The following FADS3 variants were observed in gnomAD, a reference collection of about 807,000 sequenced individuals.
FADS3 encodes cytochrome b5-related protein.
FADS3 carries 30 observed loss-of-function variants against 60.4 expected under a neutral mutation model. The observed-to-expected ratio is 0.50, with a 90% CI of 0.37 to 0.67. The LOEUF is 0.67. Among genes scored for constraint, FADS3 ranks in the 30% least tolerant of loss-of-function variants. FADS3 has a pLI of 0.00. For missense variants in FADS3, 432 were observed against 598.3 expected, an observed-to-expected ratio of 0.72 and a Z score of 2.90; for synonymous variants, 234 against 249.3, an observed-to-expected ratio of 0.94 and a Z score of 0.58.
chr11:61,876,694 A>G lies in FADS3; in HGVS notation c.983+172T>C. On this transcript the variant is annotated intron_variant, in intron 8 of 11. Coordinates refer to ENST00000278829, the MANE Select transcript of FADS3 (RefSeq NM_021727.5). This position sits in a 1 kb window ranked among gnomAD's most constrained non-coding sequence, Gnocchi z 5.7. ...CTTACAAGCCAGGCCACGCTCCCTA[A>G]ACCCACCGACCCTGGGCTCCTGCCA... 1.4e-6 allele frequency: 1 copy of G among 708,460 alleles called. No homozygotes were observed. Among genetic ancestry groups the G allele is most frequent in the Non-Finnish European group, 2.5e-6 (1 of 405,604 alleles). 43.9% of individuals were successfully genotyped at this position (708,460 alleles called of 1,614,324 possible).
intron 1 of FADS3, 140 bp from the exon 2 acceptor site, chr11:61,880,291 C>T (rs1938082315): frequency 3.1e-6 from 2 of 642,338 alleles, no homozygotes; most frequent in African/African-American, 3.6e-5. Flanking sequence ...GGCTGATGAA[C>T]AGTCAAAGAC....
chr11:61,886,414 G>C (rs1179482424), intron 1 of FADS3: 1 of 152,308 alleles, frequency 6.6e-6, no homozygotes, highest in African/African-American at 2.4e-5. Context: ...AAGGGGCCTG[G>C]GTGGGCGGTG....
chr11:61,873,894 G>A (rs368397981), intron 11 of FADS3, 29 bp from the exon 12 acceptor site: 8 of 1,488,334 alleles, frequency 5.4e-6, no homozygotes, highest in Non-Finnish European at 7.4e-6. Context: ...AGTGGGGGTG[G>A]GTGTTAGGAG....
At chr11:61,889,299 T>G (rs1938414876) in intron 1 of FADS3, among the ~76,000 whole-genome samples, 2 of 152,156 alleles carry the variant, frequency 1.3e-5, no homozygotes, top group African/African-American at 4.8e-5. Flanking sequence ...GTAATTCCAC[T>G]TGGGAGGAAC....
chr11:61,887,747 C>T lies in FADS3; in HGVS notation c.213+3422G>A, dbSNP rs546575462. ...AACCATGCATGACACAGAGAAGATGCTCACTGATGGATTTAATGAGTCAAA... is the reference window on the plus strand; with the variant it reads ...AACCATGCATGACACAGAGAAGATGTTCACTGATGGATTTAATGAGTCAAA... On this transcript the variant is annotated intron_variant, in intron 1 of 11. Coordinates refer to ENST00000278829, the MANE Select transcript of FADS3 (RefSeq NM_021727.5). Among the ~76,000 whole-genome samples the T allele has an allele frequency of 4.5e-4, 68 of 152,342 alleles. No homozygotes were observed. The South Asian group carries it at 0.014, about 31-fold the overall frequency.
At position 61,877,601 on chromosome 11, in the gene FADS3, C is replaced by A. The variant is rs1349732647; in HGVS notation, c.809-14G>T. The A allele has an allele frequency of 5.0e-6, 8 of 1,612,892 alleles. No individual in the cohort carries two copies. Among genetic ancestry groups the A allele is most frequent in the Non-Finnish European group, 5.9e-6 (7 of 1,179,720 alleles). ...GCGGCGGGCCGACTGCAAGAAGGGG[C>A]ATGAGAGTGTTCAGGAGTGGGGCTG... On this transcript the variant is annotated splice_polypyrimidine_tract_variant and intron_variant, in intron 6 of 11. Transcript: ENST00000278829. The surrounding 1 kb of genome is among the most constrained non-coding windows in gnomAD (Gnocchi z 4.7).
rs1265152610 is a variant in FADS3, at chr11:61,877,920, G to A, written c.808+235C>T. On this transcript the variant is annotated intron_variant, in intron 6 of 11. Transcript: ENST00000278829. This position sits in a 1 kb window ranked among gnomAD's most constrained non-coding sequence, Gnocchi z 4.7. ...TACGTGGGGCTTGGGGAAGCTCCCAGCAGGGCTGTGATGGCCCGTGGCTGC... is the reference window on the plus strand; with the variant it reads ...TACGTGGGGCTTGGGGAAGCTCCCAACAGGGCTGTGATGGCCCGTGGCTGC... 1.0e-5 allele frequency: 6 copies of A among 600,072 alleles called. No homozygotes were observed. Among genetic ancestry groups the A allele is most frequent in the Non-Finnish European group, 1.8e-5 (6 of 337,038 alleles). 37.2% of individuals were successfully genotyped at this position (600,072 alleles called of 1,614,324 possible). A position where few individuals can be genotyped will look rare whatever the true frequency, so the allele number is the denominator to read the frequency against.
chr11:61,891,105 T>A (rs1267572077), intron 1 of FADS3, 64 bp downstream of exon 1: 1 of 1,374,072 alleles, frequency 7.3e-7, no homozygotes, highest in Non-Finnish European at 1.0e-6. Context: ...GAGCGGGACA[T>A]CACGCCCACG....
rs11285797 is a variant in FADS3 at position 61,877,710 on chromosome 11, GC to G, written c.809-124del. 0.021 allele frequency: 17,910 copies of G among 863,026 alleles called. 2,177 individuals are homozygous for G. In the African/African-American group the frequency reaches 0.26, roughly 13 times the overall value. 53.5% of individuals were successfully genotyped at this position (863,026 alleles called of 1,614,324 possible). On this transcript the variant is annotated intron_variant, in intron 6 of 11. Transcript: ENST00000278829. The surrounding 1 kb of genome is among the most constrained non-coding windows in gnomAD (Gnocchi z 4.7). ...GGGACGTTGGTGCTGGTCACATCCA[GC>G]TGAATGACCCCATATCACCCCCAAT...
At position 61,876,755 on chromosome 11, in the gene FADS3, G is replaced by A. The variant is rs1362167840; in HGVS notation, c.983+111C>T. 1.1e-5 allele frequency: 10 copies of A among 894,970 alleles called. No individual in the cohort carries two copies. Among genetic ancestry groups the A allele is most frequent in the Non-Finnish European group, 1.6e-5 (9 of 554,078 alleles). The allele number at this position is 894,970 out of a possible 1,614,324, so 55.4% of individuals were successfully genotyped here. A position where few individuals can be genotyped will look rare whatever the true frequency, so the allele number is the denominator to read the frequency against. On this transcript the variant is annotated intron_variant, in intron 8 of 11. Coordinates refer to ENST00000278829, the MANE Select transcript of FADS3 (RefSeq NM_021727.5). The surrounding 1 kb of genome is among the most constrained non-coding windows in gnomAD (Gnocchi z 5.7). Reference sequence around the variant, plus strand: ...TATGTGATTCCACCAGCAAGCCAGGGAGGCAGTACCACTGGCCCCATTCTG... The same window carrying A: ...TATGTGATTCCACCAGCAAGCCAGGAAGGCAGTACCACTGGCCCCATTCTG...
intron 2 of FADS3, 140 bp downstream of exon 2, chr11:61,879,901 G>T (rs1333930043): frequency 1.4e-5 from 9 of 651,062 alleles, no homozygotes; most frequent in Non-Finnish European, 2.1e-5. Flanking sequence ...CCCTGGGAGG[G>T]GAGGGCAGGC....
At chr11:61,875,776 G>A in intron 11 of FADS3, 75 bp downstream of exon 11, 9 of 1,552,636 alleles carry the variant, frequency 5.8e-6, no homozygotes, top group South Asian at 1.2e-5. Context: ...GGCTCAGCAT[G>A]AGGCTGACCT....
chr11:61,876,625 ACTGTGAGG>A lies in FADS3; in HGVS notation c.984-178_984-171del, dbSNP rs1937898348. The A allele has an allele frequency of 6.0e-6, 4 of 669,232 alleles. No individual in the cohort carries two copies. The Admixed American group carries it at 9.0e-5, about 15-fold the overall frequency. 41.5% of individuals were successfully genotyped at this position (669,232 alleles called of 1,614,324 possible). ...AAAGAATCTGAATGGAGCAGTGTCC[ACTGTGAGG>A]CTGAGTCCAGAGCAGCTCCGACACC... On this transcript the variant is annotated intron_variant, in intron 8 of 11. Coordinates refer to ENST00000278829, the MANE Select transcript of FADS3 (RefSeq NM_021727.5). The surrounding 1 kb of genome is among the most constrained non-coding windows in gnomAD (Gnocchi z 5.7).
chr11:61,876,019 C>G lies in FADS3; in HGVS notation c.1161-43G>C. The G allele has an allele frequency of 1.2e-6, 2 of 1,612,520 alleles. No individual in the cohort carries two copies. The highest frequency in any genetic ancestry group is 1.7e-6 in the Non-Finnish European group (2 of 1,179,470). ...ATGCTGGCACCTGAAGTGGGAGATT[C>G]CAGAGAGAGGCCCCACCCACGGGTC... is the stretch of plus-strand genomic sequence containing the variant. On this transcript the variant is annotated intron_variant, in intron 10 of 11. Transcript: ENST00000278829. This position sits in a 1 kb window ranked among gnomAD's most constrained non-coding sequence, Gnocchi z 5.7.
rs528329231 is a variant in FADS3 at position 61,887,105 on chromosome 11, C to G, written c.213+4064G>C. Reference sequence around the variant, plus strand: ...CAGGCACCCAGGTGCCCAGCACCACCCTCATAGTGTGCCCAGGACAAAAGC... The same window carrying G: ...CAGGCACCCAGGTGCCCAGCACCACGCTCATAGTGTGCCCAGGACAAAAGC... On this transcript the variant is annotated intron_variant, in intron 1 of 11. Transcript: ENST00000278829. 2.0e-5 allele frequency among the ~76,000 whole-genome samples: 3 copies of G among 152,388 alleles called. No homozygotes were observed. In the South Asian group the frequency reaches 6.2e-4, roughly 32 times the overall value.
Position 61,877,838 on chromosome 11 carries a change from C to T in FADS3, c.809-251G>A, listed in dbSNP as rs1445846966. ...TGAGTCCTCACTCTGTCCGCCCCAACAACTGCCCAAAGACTCTAGGGCTCC... is the reference window on the plus strand; with the variant it reads ...TGAGTCCTCACTCTGTCCGCCCCAATAACTGCCCAAAGACTCTAGGGCTCC... On this transcript the variant is annotated intron_variant, in intron 6 of 11. Transcript: ENST00000278829. The surrounding 1 kb of genome is among the most constrained non-coding windows in gnomAD (Gnocchi z 4.7). 1.7e-6 allele frequency: 1 copy of T among 595,172 alleles called. No individual in the cohort carries two copies. The allele number at this position is 595,172 out of a possible 1,614,324, so 36.9% of individuals were successfully genotyped here.
chr11:61,879,443 T>G lies in FADS3; in HGVS notation c.391A>C (p.Ser131Arg), dbSNP rs936514212. ...AGTAGGAAAGCAAAGAAGGTGGGACTGGCATCAAACAGCTTCATGTCCTCG... is the reference window on the plus strand; with the variant it reads ...AGTAGGAAAGCAAAGAAGGTGGGACGGGCATCAAACAGCTTCATGTCCTCG... ...AAEDMKLFDA[S>R]PTFFAFLLGH... Residue 131 changes from serine to arginine, a missense_variant, in exon 3 of 12, where the codon AGT (serine) becomes CGT (arginine). By Grantham distance (110) the Ser-to-Arg change is moderately radical (BLOSUM62 -1). Transcript: ENST00000278829. 2 of 1,606,908 alleles carry G rather than the reference T, an allele frequency of 1.2e-6. No individual in the cohort carries two copies. The highest frequency in any genetic ancestry group is 2.7e-5 in the African/African-American group (2 of 75,006).
intron 11 of FADS3, among the ~76,000 whole-genome samples, chr11:61,875,162 G>C (rs1054560053): frequency 3.3e-5 from 5 of 152,182 alleles, no homozygotes; most frequent in Non-Finnish European, 7.3e-5. Flanking sequence ...GTTCTTTCTA[G>C]AGGGCGTGTG....
chr11:61,876,764 C>G lies in FADS3; in HGVS notation c.983+102G>C, dbSNP rs924422547. 2.1e-6 allele frequency: 2 copies of G among 942,630 alleles called. No homozygotes were observed. Among genetic ancestry groups the G allele is most frequent in the African/African-American group, 3.2e-5 (2 of 61,554 alleles). The allele number at this position is 942,630 out of a possible 1,614,324, so 58.4% of individuals were successfully genotyped here. On this transcript the variant is annotated intron_variant, in intron 8 of 11. Transcript: ENST00000278829. The surrounding 1 kb of genome is among the most constrained non-coding windows in gnomAD (Gnocchi z 5.7). ...CCACCAGCAAGCCAGGGAGGCAGTA[C>G]CACTGGCCCCATTCTGCAGACGGGA...
Sources: gnomAD v4.1 joint callset for allele counts (sites outside exome capture counted in the v4.1 genomes callset) on GRCh38, gnomAD v4.1.1 for gene constraint, Gnocchi (gnomAD v3.1) non-coding constraint, MANE v1.5 for transcripts, NCBI Gene and HGNC (gene_info 2026-07-23, HGNC 2026-07-21) for gene names.